The following SAP130 variants were observed in gnomAD, a reference collection of about 807,000 sequenced individuals.
SAP130 encodes the protein Sin3A associated protein 130, also known as histone deacetylase complex subunit SAP130.
SAP130 carries 16 observed loss-of-function variants against 103.2 expected under a neutral mutation model. That is an observed-to-expected ratio of 0.16 (90% CI 0.10 to 0.24). SAP130 has a LOEUF of 0.24. Ranked by LOEUF, SAP130 falls within the 10% of genes least tolerant of loss-of-function variation. The probability of loss-of-function intolerance (pLI) is 1.00; values close to 1 mark genes in which losing one functional copy is unlikely to be tolerated. For missense variants in SAP130, 990 were observed against 1,359.7 expected (o/e 0.73, Z 4.28); for synonymous variants, 477 against 497.0 (o/e 0.96, Z 0.53).
chr2:128,027,204 C>CGCG (rs1685574126), intron 1 of SAP130: 2 of 1,218,648 alleles, frequency 1.6e-6, no homozygotes, highest in South Asian at 4.0e-5. Flanking sequence ...GGGGAGGGAT[C>CGCG]GCGGCGGCGG....
At chr2:128,022,246 T>C (rs2105245955) in intron 2 of SAP130, among the ~76,000 whole-genome samples, 1 of 152,348 alleles carries the variant, frequency 6.6e-6, no homozygotes, top group South Asian at 2.1e-4. Context: ...CTTAGTGTAA[T>C]GTTACTGAGG....
At position 128,010,120 on chromosome 2, in the gene SAP130, C is replaced by G. The variant is rs1684278414; in HGVS notation, c.869+149G>C. On this transcript the variant is annotated intron_variant, in intron 7 of 20. Coordinates refer to ENST00000643581, the MANE Select transcript of SAP130 (RefSeq NM_001330301.2). Reference sequence around the variant, plus strand: ...TGGGCAGCAATTTCTTTGTTCACAGCTTTAGCCCCAGGATTTAGAACACTA... The same window carrying G: ...TGGGCAGCAATTTCTTTGTTCACAGGTTTAGCCCCAGGATTTAGAACACTA... 9.5e-6 allele frequency: 7 copies of G among 733,456 alleles called. 1 individual carries two copies. The South Asian group carries it at 2.0e-4, about 21-fold the overall frequency. 45.4% of individuals were successfully genotyped at this position (733,456 alleles called of 1,614,324 possible). A position where few individuals can be genotyped will look rare whatever the true frequency, so the allele number is the denominator to read the frequency against.
rs1679601816 is a variant in SAP130 at position 127,953,093 on chromosome 2, TA to T, written c.2422+1892del. Among the ~76,000 whole-genome samples, 5 of 152,182 alleles carry T rather than the reference TA, an allele frequency of 3.3e-5. No individual in the cohort carries two copies. The South Asian group carries it at 1.0e-3, about 32-fold the overall frequency. ...AAATGTCTAACAGACATCTGAAACT[TA>T]CCCTATCAAAAACTAAACTCCTAAT... On this transcript the variant is annotated intron_variant, in intron 16 of 20. Coordinates refer to ENST00000643581, the MANE Select transcript of SAP130 (RefSeq NM_001330301.2). This position sits in a 1 kb window ranked among gnomAD's most constrained non-coding sequence, Gnocchi z 4.0.
intron 2 of SAP130, among the ~76,000 whole-genome samples, chr2:128,019,827 G>A (rs1327740192): frequency 6.6e-6 from 1 of 151,846 alleles, no homozygotes; most frequent in Non-Finnish European, 1.5e-5. Flanking sequence ...GTGGAGGTTG[G>A]GAGATCCTGC....
At chr2:127,969,726 C>T (rs551708484) in intron 15 of SAP130, among the ~76,000 whole-genome samples, 4 of 152,258 alleles carry the variant, frequency 2.6e-5, no homozygotes, top group East Asian at 3.9e-4. Context: ...TGTTATTCCT[C>T]GGCGCCTTCC....
chr2:127,948,791 T>C (rs893993558), intron 18 of SAP130, among the ~76,000 whole-genome samples: 2 of 152,188 alleles, frequency 1.3e-5, no homozygotes, highest in African/African-American at 4.8e-5. Flanking sequence ...GATTTAGGGA[T>C]CATAAACCTT....
chr2:127,965,738 C>T (rs1011672552), intron 15 of SAP130, among the ~76,000 whole-genome samples: 10 of 151,756 alleles, frequency 6.6e-5, no homozygotes, highest in Non-Finnish European at 1.2e-4. Flanking sequence ...TACAGTGAGC[C>T]GAGATCATGC....
At chr2:127,995,686 A>C (rs1683132445) in intron 11 of SAP130, among the ~76,000 whole-genome samples, 1 of 152,258 alleles carries the variant, frequency 6.6e-6, no homozygotes, top group African/African-American at 2.4e-5. Flanking sequence ...ACTGGAGAAC[A>C]GGATATTTAT....
chr2:127,946,306 T>A (rs779395099), intron 18 of SAP130, among the ~76,000 whole-genome samples: 4 of 152,172 alleles, frequency 2.6e-5, no homozygotes, highest in South Asian at 2.1e-4. Context: ...AATGAAGATA[T>A]AGCCTAGACT....
intron 15 of SAP130, among the ~76,000 whole-genome samples, chr2:127,973,371 T>C (rs567487405): frequency 1.3e-5 from 2 of 152,312 alleles, no homozygotes; most frequent in African/African-American, 4.8e-5. Flanking sequence ...TAGCTGGGAT[T>C]ACAGGCATGC....
intron 7 of SAP130, among the ~76,000 whole-genome samples, chr2:128,003,642 A>G (rs1683733943): frequency 1.3e-5 from 2 of 152,020 alleles, no homozygotes; most frequent in Non-Finnish European, 2.9e-5. Flanking sequence ...TAACATCGAC[A>G]GGTCCATAGT....
In SAP130 at chr2:128,018,483, C is replaced by CAAAAAAAAAAAAAAAAA. The variant is rs759445928; in HGVS notation, c.113-585_113-569dup. ...CTGGGCGAGAGAGGAAGATTGTCTC[C>CAAAAAAAAAAAAAAAAA]AAAAAAAAAAAAAAAAAAAAAAAGG... On this transcript the variant is annotated intron_variant, in intron 2 of 20. Coordinates refer to ENST00000643581, the MANE Select transcript of SAP130 (RefSeq NM_001330301.2). Among the ~76,000 whole-genome samples, 65 of 69,468 alleles carry CAAAAAAAAAAAAAAAAA rather than the reference C, an allele frequency of 9.4e-4. 5 individuals carry two copies. The highest frequency in any genetic ancestry group is 4.1e-3 in the African/African-American group (62 of 15,290). 45.6% of individuals were successfully genotyped at this position (69,468 alleles called of 152,430 possible).
At chr2:127,975,696 T>C (rs761213279) in intron 15 of SAP130, among the ~76,000 whole-genome samples, 1 of 152,182 alleles carries the variant, frequency 6.6e-6, no homozygotes, top group African/African-American at 2.4e-5. Flanking sequence ...AGTATGACTA[T>C]GAGTGGTGTT....
intron 11 of SAP130, among the ~76,000 whole-genome samples, chr2:127,993,648 G>C (rs933737867): frequency 2.6e-5 from 4 of 152,050 alleles, no homozygotes; most frequent in African/African-American, 4.8e-5. Context: ...ACTCAAATTG[G>C]TTTTACTGGC....
rs142112282 is a variant in SAP130 at position 127,955,046 on chromosome 2, C to A, written c.2362G>T (p.Val788Phe). Reference protein sequence around the residue: ...GSLSSVLGPPVPEIKVKEEVE... With the variant: ...GSLSSVLGPPFPEIKVKEEVE... The stretch of plus-strand genomic sequence containing the variant: ...TCTTCTTTCACTTTAATTTCAGGAA[C>A]GGGAGGGCCCAAGACGGAGGAAAGA... Residue 788 changes from valine to phenylalanine, a missense_variant, in exon 16 of 21, where the codon GTT (valine) becomes TTT (phenylalanine). Transcript: ENST00000643581. The surrounding 1 kb of genome is among the most constrained non-coding windows in gnomAD (Gnocchi z 4.9). 1 of 1,613,806 alleles carries A rather than the reference C, an allele frequency of 6.2e-7. No homozygotes were observed. The highest frequency in any genetic ancestry group is 1.7e-5 in the Admixed American group (1 of 59,976).
chr2:128,023,666 G>A (rs1272747984), intron 2 of SAP130, among the ~76,000 whole-genome samples: 1 of 152,018 alleles, frequency 6.6e-6, no homozygotes, highest in African/African-American at 2.4e-5. Flanking sequence ...TGTAGTCCCA[G>A]CTACTCAGGA....
chr2:128,006,322 A>G (rs994386882), intron 7 of SAP130, among the ~76,000 whole-genome samples: 34 of 152,388 alleles, frequency 2.2e-4, no homozygotes, highest in Non-Finnish European at 7.3e-5. Flanking sequence ...CCAAGTAATG[A>G]CTGAAAAGAC....
At chr2:127,999,651 A>T in intron 10 of SAP130, 90 bp downstream of exon 10, 1 of 599,770 alleles carries the variant, frequency 1.7e-6, no homozygotes, top group Non-Finnish European at 2.8e-6. Context: ...ACAATGGTAA[A>T]AATCAATACT....
chr2:127,980,714 C>A (rs1442258174), intron 14 of SAP130, among the ~76,000 whole-genome samples: 1 of 152,084 alleles, frequency 6.6e-6, no homozygotes, highest in African/African-American at 2.4e-5. Flanking sequence ...GAGGCTGAAC[C>A]AGGTGGAATG....
Sources: gnomAD v4.1 joint callset for allele counts (sites outside exome capture counted in the v4.1 genomes callset) on GRCh38, gnomAD v4.1.1 for gene constraint, Gnocchi (gnomAD v3.1) non-coding constraint, MANE v1.5 for transcripts, NCBI Gene and HGNC (gene_info 2026-07-23, HGNC 2026-07-21) for gene names.